The following FLRT2 variants were observed in gnomAD, a reference collection of about 807,000 sequenced individuals.
The protein encoded by FLRT2 is leucine-rich repeat transmembrane protein FLRT2.
In FLRT2, 15 loss-of-function variants were observed where a neutral mutation model predicts 40.0. The observed-to-expected ratio is 0.38, with a 90% CI of 0.25 to 0.58. The LOEUF (loss-of-function observed/expected upper bound fraction) is 0.58. Among genes scored for constraint, FLRT2 ranks in the 20% least tolerant of loss-of-function variants. The pLI is 0.71. For synonymous variants in FLRT2, 380 were observed against 336.8 expected, an observed-to-expected ratio of 1.13 and a Z score of -1.41; for missense variants, 726 against 840.0, an observed-to-expected ratio of 0.86 and a Z score of 1.68.
intron 1 of FLRT2, among the ~76,000 whole-genome samples, chr14:85,592,448 G>A (rs1891933601): frequency 6.6e-6 from 1 of 151,998 alleles, no homozygotes; most frequent in East Asian, 1.9e-4. Flanking sequence ...AAGAACAAAT[G>A]GGGTCTGGAA....
chr14:85,567,635 A>AT (rs34161461), intron 1 of FLRT2, among the ~76,000 whole-genome samples: 2,213 of 74,960 alleles, frequency 0.03, 86 homozygotes, highest in East Asian at 0.13. Context: ...AGTGACTTAC[A>AT]TTTTTTTTTT....
At chr14:85,558,288 A>AT (rs532851668) in intron 1 of FLRT2, among the ~76,000 whole-genome samples, 16 of 150,758 alleles carry the variant, frequency 1.1e-4, no homozygotes, top group East Asian at 5.8e-4. Flanking sequence ...CTTTTCAGGA[A>AT]TTTTTTTTTT....
At chr14:85,588,785 C>T (rs1426897169) in intron 1 of FLRT2, among the ~76,000 whole-genome samples, 3 of 152,142 alleles carry the variant, frequency 2.0e-5, no homozygotes, top group African/African-American at 4.8e-5. Flanking sequence ...ACCCTTCCAG[C>T]CTCTGGTAAC....
chr14:85,618,972 A>G (rs1171063061), intron 1 of FLRT2, among the ~76,000 whole-genome samples: 1 of 152,126 alleles, frequency 6.6e-6, no homozygotes, highest in Non-Finnish European at 1.5e-5. Flanking sequence ...ATGCCACCTC[A>G]GTTATATAAA....
At chr14:85,584,067 T>G (rs1891509857) in intron 1 of FLRT2, among the ~76,000 whole-genome samples, 1 of 152,130 alleles carries the variant, frequency 6.6e-6, no homozygotes, top group African/African-American at 2.4e-5. Flanking sequence ...TATTTATTTA[T>G]CCCTCAGAGA....
rs998944278 is a variant in FLRT2 at position 85,625,012 on chromosome 14, G to C, written c.*1515G>C. On this transcript the variant is annotated 3_prime_UTR_variant, in exon 2 of 2. Transcript: ENST00000330753. ...GACAACCCATGAAAAACAAGTCAGA[G>C]AGTGAAGGCTTTTTCCCCTAATCCT... 2 of 167,044 alleles carry C rather than the reference G, an allele frequency of 1.2e-5. No homozygotes were observed. Among genetic ancestry groups the C allele is most frequent in the Non-Finnish European group, 2.9e-5 (2 of 68,118 alleles). 10.3% of individuals were successfully genotyped at this position (167,044 alleles called of 1,614,324 possible).
At chr14:85,539,206 ACC>A (rs796617722) in intron 1 of FLRT2, among the ~76,000 whole-genome samples, 57 of 152,022 alleles carry the variant, frequency 3.7e-4, no homozygotes, top group African/African-American at 1.2e-3. Context: ...GGAAAGTCCT[ACC>A]TGCCTCACTT....
chr14:85,568,634 G>T (rs1890743777), intron 1 of FLRT2, among the ~76,000 whole-genome samples: 2 of 151,920 alleles, frequency 1.3e-5, no homozygotes, highest in South Asian at 4.2e-4. Context: ...TTTTCTCTTT[G>T]TTTTCATGAA....
intron 1 of FLRT2, among the ~76,000 whole-genome samples, chr14:85,613,583 T>A (rs891040841): frequency 6.6e-6 from 1 of 152,172 alleles, no homozygotes. Flanking sequence ...GTCAAAGAGT[T>A]TTTGCAGACT....
chr14:85,637,994 A>T lies in FLRT2; in HGVS notation c.*14497A>T, dbSNP rs564714323. On this transcript the variant is annotated 3_prime_UTR_variant, in exon 2 of 2. Transcript: ENST00000330753. ...TATCCTTATTCTTTTGATACCAGGC[A>T]TCACTACAAAATGTATACACATTAC... The T allele has an allele frequency of 2.6e-5, 4 of 152,320 alleles. No homozygotes were observed. In the South Asian group the frequency reaches 8.3e-4, roughly 32 times the overall value. The allele number at this position is 152,320 out of a possible 1,614,324, so 9.4% of individuals were successfully genotyped here. A position where few individuals can be genotyped will look rare whatever the true frequency, so the allele number is the denominator to read the frequency against.
intron 1 of FLRT2, among the ~76,000 whole-genome samples, chr14:85,549,553 A>G (rs535392382): frequency 2.0e-5 from 3 of 152,302 alleles, no homozygotes; most frequent in Admixed American, 6.5e-5. Context: ...GGAGTTTGGA[A>G]TCAGACAGAC....
At chr14:85,593,401 G>T (rs1373391375) in intron 1 of FLRT2, among the ~76,000 whole-genome samples, 1 of 152,150 alleles carries the variant, frequency 6.6e-6, no homozygotes, top group African/African-American at 2.4e-5. Context: ...CCTTCTGGCT[G>T]CAGGGCCAGT....
At chr14:85,620,341 T>C (rs1893324724) in intron 1 of FLRT2, among the ~76,000 whole-genome samples, 1 of 152,152 alleles carries the variant, frequency 6.6e-6, no homozygotes, top group Admixed American at 6.5e-5. Context: ...TGATTCCAAT[T>C]TTGTTAAGTA....
chr14:85,534,065 TG>T (rs752528501), intron 1 of FLRT2, among the ~76,000 whole-genome samples: 2 of 144,884 alleles, frequency 1.4e-5, no homozygotes, highest in Non-Finnish European at 3.1e-5. Flanking sequence ...GAGCCCTTCC[TG>T]GCCCTCGCGG....
chr14:85,541,494 G>C (rs1469694999), intron 1 of FLRT2, among the ~76,000 whole-genome samples: 1 of 152,162 alleles, frequency 6.6e-6, no homozygotes, highest in Non-Finnish European at 1.5e-5. Flanking sequence ...TCTTCATTTG[G>C]AGATGGACAG....
At position 85,629,247 on chromosome 14, in the gene FLRT2, T is replaced by C. The variant is rs1237186454; in HGVS notation, c.*5750T>C. On this transcript the variant is annotated 3_prime_UTR_variant, in exon 2 of 2. Transcript: ENST00000330753. ...TGTTTCTACCTGTTGGTAAGGTTGA[T>C]GCAACTGTCATAATTAGATGTTCTT... 6.6e-6 allele frequency: 1 copy of C among 152,204 alleles called. No homozygotes were observed. Among genetic ancestry groups the C allele is most frequent in the African/African-American group, 2.4e-5 (1 of 41,468 alleles). The allele number at this position is 152,204 out of a possible 1,614,324, so 9.4% of individuals were successfully genotyped here.
intron 1 of FLRT2, among the ~76,000 whole-genome samples, chr14:85,597,853 G>T (rs529671329): frequency 2.0e-5 from 3 of 152,330 alleles, no homozygotes; most frequent in African/African-American, 7.2e-5. Flanking sequence ...GAAACGTGTG[G>T]CTTCAAATTG....
Position 85,625,663 on chromosome 14 carries a change from G to A in FLRT2, c.*2166G>A, listed in dbSNP as rs1224587962. On this transcript the variant is annotated 3_prime_UTR_variant, in exon 2 of 2. Coordinates refer to ENST00000330753, the MANE Select transcript of FLRT2 (RefSeq NM_013231.6). ...AGTGAAGGGAAAAGAGTCTGTGAAG[G>A]TGATCAGTGTAGCAGTAAGACATCT... 6.0e-6 allele frequency: 1 copy of A among 167,048 alleles called. No homozygotes were observed. 10.3% of individuals were successfully genotyped at this position (167,048 alleles called of 1,614,324 possible).
At chr14:85,552,602 G>A (rs555429138) in intron 1 of FLRT2, 1 of 152,252 alleles carries the variant, frequency 6.6e-6, no homozygotes, top group Non-Finnish European at 1.5e-5. Context: ...AAAGGGCAGA[G>A]CCATCATAAC....
Sources: allele counts gnomAD v4.1 joint callset (sites outside exome capture counted in the v4.1 genomes callset), GRCh38; gene constraint gnomAD v4.1.1; transcripts MANE v1.5; gene names NCBI Gene and HGNC (gene_info 2026-07-23, HGNC 2026-07-21).